The following ST14 variants were observed in gnomAD, a reference collection of about 807,000 sequenced individuals.
ST14 encodes the protein suppressor of tumorigenicity 14 protein.
ST14 carries 40 observed loss-of-function variants against 96.5 expected under a neutral mutation model. The ratio of observed to expected loss-of-function variants is 0.41; its 90% CI spans 0.32 to 0.54. The LOEUF (loss-of-function observed/expected upper bound fraction) is 0.54. Among genes scored for constraint, ST14 ranks in the 20% least tolerant of loss-of-function variants. The probability of loss-of-function intolerance (pLI) is 0.17; values close to 1 mark genes in which losing one functional copy is unlikely to be tolerated. For synonymous variants in ST14, 506 were observed against 492.1 expected (o/e 1.03, Z -0.37); for missense variants, 1,066 against 1,188.9 (o/e 0.90, Z 1.52).
intron 1 of ST14, among the ~76,000 whole-genome samples, chr11:130,162,846 A>T (rs2136199961): frequency 6.6e-6 from 1 of 152,304 alleles, no homozygotes; most frequent in South Asian, 2.1e-4. Flanking sequence ...TCAGCAAATT[A>T]GGGCTGCAGG....
At chr11:130,171,918 C>T (rs1953095429) in intron 1 of ST14, among the ~76,000 whole-genome samples, 1 of 152,168 alleles carries the variant, frequency 6.6e-6, no homozygotes, top group Non-Finnish European at 1.5e-5. Flanking sequence ...GGGAGAGCCA[C>T]GAAGACAACA....
intron 1 of ST14, 81 bp downstream of exon 1, chr11:130,160,141 T>C: frequency 3.0e-6 from 3 of 997,374 alleles, no homozygotes; most frequent in Non-Finnish European, 1.3e-6. Flanking sequence ...CTCGGCCGGC[T>C]CCCCTGGCGT....
At position 130,188,885 on chromosome 11, in the gene ST14, G is replaced by T. The variant is rs1953265939; in HGVS notation, c.386G>T (p.Ser129Ile). Residue 129 changes from serine to isoleucine, a missense_variant, in exon 4 of 19, where the codon AGC becomes ATC. Physicochemically the swap from Ser to Ile is moderately radical, Grantham distance 142. Coordinates refer to ENST00000278742, the MANE Select transcript of ST14 (RefSeq NM_021978.4). The surrounding 1 kb of genome is among the most constrained non-coding windows in gnomAD (Gnocchi z 5.4). Reference protein sequence around the residue: ...KVKDALKLLYSGVPFLGPYHK... With the variant: ...KVKDALKLLYIGVPFLGPYHK... ...CTTCCTCAGCTGAAGCTGCTGTACA[G>T]CGGAGTCCCATTCCTGGGCCCCTAC... 6.2e-7 allele frequency: 1 copy of T among 1,612,944 alleles called. No individual in the cohort carries two copies. The highest frequency in any genetic ancestry group is 1.3e-5 in the African/African-American group (1 of 74,952).
At position 130,190,796 on chromosome 11, in the gene ST14, G is replaced by T. The variant is rs940545841; in HGVS notation, c.875+102G>T. Reference sequence around the variant, plus strand: ...GGGATACAGTTTATGACTCTTGGCCGCAGGCCACTGCTAAACATCCAGGCA... The same window carrying T: ...GGGATACAGTTTATGACTCTTGGCCTCAGGCCACTGCTAAACATCCAGGCA... On this transcript the variant is annotated intron_variant, in intron 7 of 18. Transcript: ENST00000278742. 99 of 1,358,550 alleles carry T rather than the reference G, an allele frequency of 7.3e-5. No homozygotes were observed. The South Asian group carries it at 1.4e-3, about 19-fold the overall frequency. 84.2% of individuals were successfully genotyped at this position (1,358,550 alleles called of 1,614,324 possible). A position where few individuals can be genotyped will look rare whatever the true frequency, so the allele number is the denominator to read the frequency against.
At chr11:130,164,656 T>C (rs1255401252) in intron 1 of ST14, among the ~76,000 whole-genome samples, 1 of 151,746 alleles carries the variant, frequency 6.6e-6, no homozygotes, top group Non-Finnish European at 1.5e-5. Context: ...TGGGCTCAAG[T>C]GATCTGCCCA....
chr11:130,205,912 T>C (rs1953481936), intron 16 of ST14, among the ~76,000 whole-genome samples: 1 of 151,974 alleles, frequency 6.6e-6, no homozygotes, highest in Non-Finnish European at 1.5e-5. Flanking sequence ...TTGGCCAGGC[T>C]GGTCTCAAAC....
chr11:130,162,299 G>A (rs1264112760), intron 1 of ST14, among the ~76,000 whole-genome samples: 1 of 152,178 alleles, frequency 6.6e-6, no homozygotes, highest in Non-Finnish European at 1.5e-5. Flanking sequence ...GATGGTGTGA[G>A]CCCTGCCTGC....
chr11:130,188,249 G>T lies in ST14; in HGVS notation c.217G>T (p.Gly73Cys). 2 of 1,613,892 alleles carry T rather than the reference G, an allele frequency of 1.2e-6. No homozygotes were observed. The highest frequency in any genetic ancestry group is 1.7e-6 in the Non-Finnish European group (2 of 1,179,828). ...IGLLLVLLGI[G>C]FLVWHLQYRD... is the part of the protein sequence containing the mutation. ...CCTCCTCTTGGTCTTGCTGGGGATC[G>T]GCTTCCTGGTGTGGCATTTGCAGTG... Residue 73 changes from glycine (G) to cysteine (C), a missense_variant, in exon 2 of 19, where the codon GGC becomes TGC. By Grantham distance (159) the Gly-to-Cys change is radical (BLOSUM62 -3). Coordinates refer to ENST00000278742, the MANE Select transcript of ST14 (RefSeq NM_021978.4). This position sits in a 1 kb window ranked among gnomAD's most constrained non-coding sequence, Gnocchi z 5.4.
chr11:130,200,989 C>T (rs1953421381), intron 16 of ST14, among the ~76,000 whole-genome samples: 1 of 152,246 alleles, frequency 6.6e-6, no homozygotes, highest in Non-Finnish European at 1.5e-5. Flanking sequence ...CTTCCTAGGC[C>T]TTGGGTTCTT....
At chr11:130,185,989 G>A (rs1953234433) in intron 1 of ST14, among the ~76,000 whole-genome samples, 1 of 151,846 alleles carries the variant, frequency 6.6e-6, no homozygotes, top group Non-Finnish European at 1.5e-5. Context: ...TGTATTGTTA[G>A]TAGAGACAGG....
At chr11:130,206,864 G>A (rs1323898048) in intron 16 of ST14, among the ~76,000 whole-genome samples, 2 of 152,012 alleles carry the variant, frequency 1.3e-5, no homozygotes, top group Admixed American at 6.6e-5. Flanking sequence ...CACCATGCCC[G>A]GCCAGGGGCT....
At position 130,209,697 on chromosome 11, in the gene ST14, G is replaced by A. The variant is rs1286285675; in HGVS notation, c.2442G>A (p.Ala814=). The A allele has an allele frequency of 1.9e-5, 30 of 1,613,606 alleles. No individual in the cohort carries two copies. The highest frequency in any genetic ancestry group is 2.3e-5 in the Non-Finnish European group (27 of 1,180,002). ...GGGGACCCCTGTCCAGCGTGGAGGC[G>A]GATGGGCGGATCTTCCAGGCCGGTG... is the stretch of plus-strand genomic sequence containing the variant. ...DSGGPLSSVE[A]DGRIFQAGVV... Residue 814 remains alanine, a synonymous_variant, in exon 19 of 19, where the codon GCG becomes GCA. Transcript: ENST00000278742.
At position 130,187,952 on chromosome 11, in the gene ST14, G is replaced by A. The variant is rs1417863080; in HGVS notation, c.82-162G>A. 6.6e-6 allele frequency among the ~76,000 whole-genome samples: 1 copy of A among 152,180 alleles called. No homozygotes were observed. The highest frequency in any genetic ancestry group is 1.5e-5 in the Non-Finnish European group (1 of 68,036). On this transcript the variant is annotated intron_variant, in intron 1 of 18. Transcript: ENST00000278742. The surrounding 1 kb of genome is among the most constrained non-coding windows in gnomAD (Gnocchi z 4.5). ...GTTCATGTCCCGGGGTCTGCGCTCT[G>A]GGCAGTGGTCCCCATGCCTCTGGGG...
chr11:130,189,945 G>A (rs1235869196), intron 5 of ST14, 49 bp downstream of exon 5: 3 of 1,613,264 alleles, frequency 1.9e-6, no homozygotes, highest in East Asian at 4.5e-5. Context: ...GCCTTCCATG[G>A]AGTGGGGCTG....
chr11:130,162,046 C>T (rs573003268), intron 1 of ST14, among the ~76,000 whole-genome samples: 16 of 152,294 alleles, frequency 1.1e-4, no homozygotes, highest in East Asian at 1.9e-4. Context: ...CATCCCCGGC[C>T]GGGAGGTGTG....
chr11:130,199,815 G>A (rs1417960210), intron 15 of ST14, 136 bp from the exon 16 acceptor site: 2 of 1,043,324 alleles, frequency 1.9e-6, no homozygotes, highest in African/African-American at 1.6e-5. Context: ...CTCACGCCCT[G>A]GCCACGCCAG....
chr11:130,203,987 C>T (rs1953460550), intron 16 of ST14, among the ~76,000 whole-genome samples: 1 of 152,186 alleles, frequency 6.6e-6, no homozygotes, highest in Non-Finnish European at 1.5e-5. Flanking sequence ...CGGCATTCTC[C>T]ACCCCTTCAG....
intron 10 of ST14, 54 bp downstream of exon 10, chr11:130,196,502 C>A: frequency 1.9e-6 from 3 of 1,570,220 alleles, no homozygotes; most frequent in South Asian, 2.2e-5. Context: ...GGGGAGGGGT[C>A]CCACCAGACC....
chr11:130,159,916 G>A lies in ST14; in HGVS notation c.-64G>A, dbSNP rs1952985738. ...TGCGCCCCGCGCCCCGCGCCCTGCG[G>A]GCCATGGGAGCCGGCCGCCGGCAGG... On this transcript the variant is annotated 5_prime_UTR_variant, in exon 1 of 19. Coordinates refer to ENST00000278742, the MANE Select transcript of ST14 (RefSeq NM_021978.4). 4 of 1,066,278 alleles carry A rather than the reference G, an allele frequency of 3.8e-6. No homozygotes were observed. The highest frequency in any genetic ancestry group is 4.8e-6 in the Non-Finnish European group (4 of 835,116). The allele number at this position is 1,066,278 out of a possible 1,614,324, so 66.1% of individuals were successfully genotyped here.
Sources: gnomAD v4.1 joint callset for allele counts (sites outside exome capture counted in the v4.1 genomes callset) on GRCh38, gnomAD v4.1.1 for gene constraint, Gnocchi (gnomAD v3.1) non-coding constraint, MANE v1.5 for transcripts, NCBI Gene and HGNC (gene_info 2026-07-23, HGNC 2026-07-21) for gene names.